The following AJAP1 variants were observed in gnomAD, a reference collection of about 807,000 sequenced individuals.
AJAP1 encodes the protein adherens junction-associated protein 1.
A neutral mutation model predicts 35.0 loss-of-function variants in AJAP1; 5 were observed. That is an observed-to-expected ratio of 0.14 (90% confidence interval 0.07 to 0.30). The LOEUF (loss-of-function observed/expected upper bound fraction) is 0.30. Ranked by LOEUF, AJAP1 falls within the 10% of genes least tolerant of loss-of-function variation. The pLI, the probability that AJAP1 is intolerant of heterozygous loss-of-function variation, is 1.00. For missense variants in AJAP1, 586 were observed against 571.0 expected (o/e 1.03, Z -0.27); for synonymous variants, 284 against 249.3 (o/e 1.14, Z -1.31).
intron 1 of AJAP1, among the ~76,000 whole-genome samples, chr1:4,687,788 G>T (rs1284988633): frequency 6.6e-6 from 1 of 152,174 alleles, no homozygotes; most frequent in Non-Finnish European, 1.5e-5. Flanking sequence ...AGGGGCACCA[G>T]CTCCATCCAT....
rs569134817 is a variant in AJAP1, at chr1:4,730,175, C to T, written c.829+17476C>T. On this transcript the variant is annotated intron_variant, in intron 2 of 5. Coordinates refer to ENST00000378191, the MANE Select transcript of AJAP1 (RefSeq NM_018836.4). The stretch of plus-strand genomic sequence containing the variant: ...CCACCCCTACAAGAATGGAAGTTTC[C>T]GGAAGATTTCCATGATTGCTAATCG... 9.5e-4 allele frequency among the ~76,000 whole-genome samples: 145 copies of T among 152,300 alleles called. 1 individual carries two copies. The highest frequency in any genetic ancestry group is 3.0e-3 in the African/African-American group (125 of 41,562).
rs1012889751 is a variant in AJAP1, at chr1:4,723,529, C to T, written c.829+10830C>T. ...GGAGGCTGCAGGAGAAAGCTGTTCC[C>T]AGAGCATGGAGGGGTCCTCGTGGCG... is the stretch of plus-strand genomic sequence containing the variant. On this transcript the variant is annotated intron_variant, in intron 2 of 5. Coordinates refer to ENST00000378191, the MANE Select transcript of AJAP1 (RefSeq NM_018836.4). The surrounding 1 kb of genome is among the most constrained non-coding windows in gnomAD (Gnocchi z 4.3). 2.0e-5 allele frequency among the ~76,000 whole-genome samples: 3 copies of T among 152,212 alleles called. No homozygotes were observed. The highest frequency in any genetic ancestry group is 7.2e-5 in the African/African-American group (3 of 41,560).
At chr1:4,744,669 G>T (rs145676981) in intron 2 of AJAP1, among the ~76,000 whole-genome samples, 1 of 150,680 alleles carries the variant, frequency 6.6e-6, no homozygotes, top group South Asian at 2.1e-4. Flanking sequence ...GCCCAAGCAC[G>T]CCCACCCTCA....
In AJAP1 at chr1:4,782,967, CAG is replaced by C. The variant is rs561938239; in HGVS notation, c.*483_*484del. 241 of 397,520 alleles carry C rather than the reference CAG, an allele frequency of 6.1e-4. No homozygotes were observed. The highest frequency in any genetic ancestry group is 1.3e-3 in the Middle Eastern group (2 of 1,584). 24.6% of individuals were successfully genotyped at this position (397,520 alleles called of 1,614,324 possible). On this transcript the variant is annotated 3_prime_UTR_variant, in exon 6 of 6. Coordinates refer to ENST00000378191, the MANE Select transcript of AJAP1 (RefSeq NM_018836.4). The surrounding 1 kb of genome is among the most constrained non-coding windows in gnomAD (Gnocchi z 5.3). ...TCACGCAGAGAAATCTTACAGAAAA[CAG>C]GGGTGGGAATCTCTTCCGATAGAGT...
intron 2 of AJAP1, among the ~76,000 whole-genome samples, chr1:4,749,745 G>T (rs907652996): frequency 6.6e-6 from 1 of 152,254 alleles, no homozygotes; most frequent in Non-Finnish European, 1.5e-5. Flanking sequence ...TTCATGAAGG[G>T]TGTGTGGGTG....
rs1638830724 is a variant in AJAP1 at position 4,654,690 on chromosome 1, C to A, written c.-736C>A. On this transcript the variant is annotated 5_prime_UTR_variant, in exon 1 of 6. Coordinates refer to ENST00000378191, the MANE Select transcript of AJAP1 (RefSeq NM_018836.4). This position sits in a 1 kb window ranked among gnomAD's most constrained non-coding sequence, Gnocchi z 5.1. The stretch of plus-strand genomic sequence containing the variant: ...GGCGCGGGCGGCGGGGCCCCGGGAT[C>A]CCCGCGCGCCTCCTCCGCGCGGCGC... The A allele has an allele frequency of 6.8e-6, 1 of 146,486 alleles. No homozygotes were observed. The highest frequency in any genetic ancestry group is 2.5e-5 in the African/African-American group (1 of 40,814). The allele number at this position is 146,486 out of a possible 1,614,324, so 9.1% of individuals were successfully genotyped here.
intron 2 of AJAP1, among the ~76,000 whole-genome samples, chr1:4,768,370 A>T (rs187799871): frequency 6.6e-6 from 1 of 152,206 alleles, no homozygotes; most frequent in Non-Finnish European, 1.5e-5. Flanking sequence ...CTCGTGAAAA[A>T]CAAAAATTAC....
chr1:4,735,126 G>A (rs919794196), intron 2 of AJAP1, among the ~76,000 whole-genome samples: 2 of 152,216 alleles, frequency 1.3e-5, no homozygotes, highest in South Asian at 2.1e-4. Context: ...GGTGAGCTCC[G>A]CACCAGCGGC....
chr1:4,716,098 C>T (rs552797554), intron 2 of AJAP1, among the ~76,000 whole-genome samples: 3 of 152,320 alleles, frequency 2.0e-5, no homozygotes, highest in Non-Finnish European at 4.4e-5. Context: ...GTCTATAGCA[C>T]AGGTTGTTGC....
intron 1 of AJAP1, among the ~76,000 whole-genome samples, chr1:4,682,439 C>T (rs1245451346): frequency 6.6e-6 from 1 of 152,202 alleles, no homozygotes; most frequent in East Asian, 1.9e-4. Context: ...CTGAGCCCAG[C>T]CATGAGGCCC....
At position 4,753,911 on chromosome 1, in the gene AJAP1, C is replaced by T. The variant is rs138139821; in HGVS notation, c.830-15942C>T. On this transcript the variant is annotated intron_variant, in intron 2 of 5. Coordinates refer to ENST00000378191, the MANE Select transcript of AJAP1 (RefSeq NM_018836.4). ...AAGGTGGTGTCTGATAACTCCAATA[C>T]TTACTTATTCTATGAGACTATGTCT... 5.3e-4 allele frequency among the ~76,000 whole-genome samples: 81 copies of T among 152,324 alleles called. No individual in the cohort carries two copies. In the East Asian group the frequency reaches 0.014, roughly 27 times the overall value.
intron 4 of AJAP1, among the ~76,000 whole-genome samples, 176 bp downstream of exon 4, chr1:4,772,701 A>T (rs1641864109): frequency 6.6e-6 from 1 of 152,208 alleles, no homozygotes. Flanking sequence ...GGCAGGGTTG[A>T]TAGCAACAGG....
intron 3 of AJAP1, 125 bp from the exon 4 acceptor site, chr1:4,772,155 C>A: frequency 1.6e-6 from 2 of 1,214,222 alleles, no homozygotes; most frequent in Non-Finnish European, 2.3e-6. Context: ...TGGGAATTAC[C>A]GTTTAATATG....
At chr1:4,743,746 G>A (rs1641123479) in intron 2 of AJAP1, among the ~76,000 whole-genome samples, 1 of 152,188 alleles carries the variant, frequency 6.6e-6, no homozygotes, top group Non-Finnish European at 1.5e-5. Context: ...CAAAATGAAG[G>A]TCAAACTGGA....
At position 4,770,776 on chromosome 1, in the gene AJAP1, T is replaced by G. The variant is rs535534453; in HGVS notation, c.917+836T>G. Among the ~76,000 whole-genome samples the G allele has an allele frequency of 2.5e-3, 378 of 152,210 alleles. 2 individuals are homozygous for G. Among genetic ancestry groups the G allele is most frequent in the African/African-American group, 8.4e-3 (347 of 41,536 alleles). Reference sequence around the variant, plus strand: ...AAGAAAGAGAGAGAAAAAGCCAGGCTCTGGGATCAGAGGAGGTGGGACTTC... The same window carrying G: ...AAGAAAGAGAGAGAAAAAGCCAGGCGCTGGGATCAGAGGAGGTGGGACTTC... On this transcript the variant is annotated intron_variant, in intron 3 of 5. Coordinates refer to ENST00000378191, the MANE Select transcript of AJAP1 (RefSeq NM_018836.4).
intron 1 of AJAP1, among the ~76,000 whole-genome samples, chr1:4,691,102 G>A (rs1176024958): frequency 6.6e-6 from 1 of 152,224 alleles, no homozygotes; most frequent in Non-Finnish European, 1.5e-5. Context: ...CACTGTAGGT[G>A]ACTCATGGCC....
chr1:4,744,032 G>C (rs1641131315), intron 2 of AJAP1, among the ~76,000 whole-genome samples: 1 of 152,208 alleles, frequency 6.6e-6, no homozygotes, highest in Non-Finnish European at 1.5e-5. Context: ...CAGGGCTGAG[G>C]GGATAGTTAA....
At chr1:4,761,534 G>A (rs752114685) in intron 2 of AJAP1, among the ~76,000 whole-genome samples, 14 of 152,164 alleles carry the variant, frequency 9.2e-5, no homozygotes, top group Admixed American at 2.6e-4. Flanking sequence ...ATTGGCCATC[G>A]GCCATTTCTG....
At chr1:4,669,868 T>C (rs1639213681) in intron 1 of AJAP1, among the ~76,000 whole-genome samples, 1 of 152,192 alleles carries the variant, frequency 6.6e-6, no homozygotes, top group Non-Finnish European at 1.5e-5. Flanking sequence ...ACATTGCTGC[T>C]GTGAACATAC....
Sources: gnomAD v4.1 joint callset for allele counts (sites outside exome capture counted in the v4.1 genomes callset) on GRCh38, gnomAD v4.1.1 for gene constraint, Gnocchi (gnomAD v3.1) non-coding constraint, MANE v1.5 for transcripts, NCBI Gene and HGNC (gene_info 2026-07-23, HGNC 2026-07-21) for gene names.